Variants in ST18 observed in about 807,000 individuals in gnomAD.
ST18 encodes the protein suppression of tumorigenicity 18 protein.
A neutral mutation model predicts 110.0 loss-of-function variants in ST18; 50 were observed. The ratio of observed to expected loss-of-function variants is 0.45; its 90% CI spans 0.36 to 0.58. The LOEUF (loss-of-function observed/expected upper bound fraction) is 0.58, where lower values mean the gene tolerates loss of function less well. ST18 is among the 20% of genes least tolerant of loss of function. The probability of loss-of-function intolerance (pLI) is 0.00; values close to 1 mark genes in which losing one functional copy is unlikely to be tolerated. For missense variants in ST18, 1,306 were observed against 1,280.1 expected (o/e 1.02, Z -0.31); for synonymous variants, 461 against 452.4 (o/e 1.02, Z -0.24).
intron 2 of ST18, among the ~76,000 whole-genome samples, chr8:52,365,208 C>G (rs1359727884): frequency 7.7e-5 from 4 of 52,130 alleles, no homozygotes; most frequent in African/African-American, 2.7e-4. Flanking sequence ...GTAATAAAAC[C>G]TAATGTTTAC....
chr8:52,279,802 C>G (rs747641186), intron 2 of ST18, among the ~76,000 whole-genome samples: 12 of 152,098 alleles, frequency 7.9e-5, no homozygotes, highest in Non-Finnish European at 1.2e-4. Flanking sequence ...TCACTATCTT[C>G]AAACAAACAC....
intron 20 of ST18, 42 bp downstream of exon 20, chr8:52,133,197 G>C: frequency 6.2e-7 from 1 of 1,614,084 alleles, no homozygotes; most frequent in Non-Finnish European, 8.5e-7. Context: ...GACTGCTGCC[G>C]ACAAGCTCAT....
At chr8:52,268,013 G>A (rs886987993) in intron 2 of ST18, among the ~76,000 whole-genome samples, 1 of 152,292 alleles carries the variant, frequency 6.6e-6, no homozygotes, top group Non-Finnish European at 1.5e-5. Context: ...TATGAACGTG[G>A]TGACTTATTG....
At chr8:52,131,427 T>C (rs534094800) in intron 22 of ST18, among the ~76,000 whole-genome samples, 4 of 152,300 alleles carry the variant, frequency 2.6e-5, no homozygotes, top group African/African-American at 9.6e-5. Context: ...TGGGAAGCTA[T>C]AAAAGGGTTT....
Position 52,389,839 on chromosome 8 carries a change from C to T in ST18, c.-465+19489G>A, listed in dbSNP as rs1838646005. 3.9e-5 allele frequency among the ~76,000 whole-genome samples: 6 copies of T among 152,222 alleles called. No individual in the cohort carries two copies. The South Asian group carries it at 1.2e-3, about 32-fold the overall frequency. On this transcript the variant is annotated intron_variant, in intron 2 of 25. Transcript: ENST00000689386. ...GAAAGCGATGCCAGGAACCAGAGACCGGGTAGTGGCGCTCAGATTAACAGG... is the reference window on the plus strand; with the variant it reads ...GAAAGCGATGCCAGGAACCAGAGACTGGGTAGTGGCGCTCAGATTAACAGG...
At chr8:52,381,392 T>C (rs1234779222) in intron 2 of ST18, among the ~76,000 whole-genome samples, 1 of 152,220 alleles carries the variant, frequency 6.6e-6, no homozygotes, top group Non-Finnish European at 1.5e-5. Context: ...TGTTTTCTTC[T>C]GTGTAGCTTT....
intron 8 of ST18, among the ~76,000 whole-genome samples, chr8:52,196,140 G>A (rs2076116252): frequency 1.1e-4 from 17 of 152,190 alleles, no homozygotes; most frequent in Admixed American, 1.0e-3. Context: ...CAGAAGTAGA[G>A]GTTTGGGGGC....
chr8:52,326,438 G>A (rs1806460835), intron 2 of ST18, among the ~76,000 whole-genome samples: 1 of 152,120 alleles, frequency 6.6e-6, no homozygotes, highest in African/African-American at 2.4e-5. Context: ...TTACATGATT[G>A]GGGAGAACCA....
chr8:52,251,247 C>T (rs1451805363), intron 2 of ST18, among the ~76,000 whole-genome samples: 1 of 152,096 alleles, frequency 6.6e-6, no homozygotes, highest in Non-Finnish European at 1.5e-5. Flanking sequence ...ACTTTACTTA[C>T]ATTAATGTTA....
chr8:52,301,870 G>A (rs887155431), intron 2 of ST18: 8 of 152,196 alleles, frequency 5.3e-5, no homozygotes, highest in Admixed American at 2.0e-4. Context: ...AGATGTCAGA[G>A]TCAAGGGAGC....
intron 7 of ST18, among the ~76,000 whole-genome samples, chr8:52,213,912 A>T (rs967620169): frequency 6.6e-6 from 1 of 152,230 alleles, no homozygotes; most frequent in Non-Finnish European, 1.5e-5. Context: ...TCCATGAAAC[A>T]TCCCTCACTT....
At chr8:52,373,874 C>T (rs1328313935) in intron 2 of ST18, among the ~76,000 whole-genome samples, 1 of 152,170 alleles carries the variant, frequency 6.6e-6, no homozygotes, top group African/African-American at 2.4e-5. Context: ...GCTGACCCGG[C>T]TCCTATAAAT....
intron 2 of ST18, among the ~76,000 whole-genome samples, chr8:52,260,096 T>A (rs1486351994): frequency 2.0e-5 from 3 of 152,204 alleles, no homozygotes; most frequent in Non-Finnish European, 4.4e-5. Context: ...ATCAGGAGAA[T>A]GAACGTGAAC....
Position 52,129,912 on chromosome 8 carries a change from GCAT to G in ST18, c.2666+2043_2666+2045del, listed in dbSNP as rs540880866. On this transcript the variant is annotated intron_variant, in intron 22 of 25. Transcript: ENST00000689386. ...ATACAAAAATTAGCCTGGTGTGGTG[GCAT>G]GCACCTGTAGTCCCAGCCACTCAGG... Among the ~76,000 whole-genome samples, 631 of 152,036 alleles carry G rather than the reference GCAT, an allele frequency of 4.2e-3. 3 individuals carry two copies. Among genetic ancestry groups the G allele is most frequent in the South Asian group, 0.015 (74 of 4,820 alleles).
At chr8:52,200,668 C>T (rs931791096) in intron 8 of ST18, among the ~76,000 whole-genome samples, 5 of 152,024 alleles carry the variant, frequency 3.3e-5, no homozygotes, top group African/African-American at 4.8e-5. Flanking sequence ...TGGAGTGAGC[C>T]GCGATGGCTT....
At chr8:52,227,208 TC>T (rs1318762247) in intron 3 of ST18, among the ~76,000 whole-genome samples, 1 of 152,186 alleles carries the variant, frequency 6.6e-6, no homozygotes, top group Non-Finnish European at 1.5e-5. Context: ...CACGTATTTT[TC>T]TCCTAAGAAT....
intron 13 of ST18, among the ~76,000 whole-genome samples, chr8:52,162,136 A>C (rs2061621631): frequency 6.6e-6 from 1 of 152,170 alleles, no homozygotes; most frequent in African/African-American, 2.4e-5. Context: ...ACTTGAACCT[A>C]AGAGGCGGAG....
intron 2 of ST18, among the ~76,000 whole-genome samples, chr8:52,388,863 C>T (rs1182719634): frequency 6.7e-6 from 1 of 148,300 alleles, no homozygotes; most frequent in Admixed American, 6.8e-5. Flanking sequence ...ATACCTAATG[C>T]TAAATGATGA....
intron 2 of ST18, among the ~76,000 whole-genome samples, chr8:52,257,496 T>C (rs1319348264): frequency 6.6e-6 from 1 of 152,204 alleles, no homozygotes; most frequent in East Asian, 1.9e-4. Flanking sequence ...TGAGGTGGCA[T>C]TGCACTGTGG....
Sources: allele counts gnomAD v4.1 joint callset (sites outside exome capture counted in the v4.1 genomes callset), GRCh38; gene constraint gnomAD v4.1.1; transcripts MANE v1.5; gene names NCBI Gene and HGNC (gene_info 2026-07-23, HGNC 2026-07-21).